Variants in GPR176 observed in about 807,000 individuals in gnomAD.
GPR176 encodes G-protein coupled receptor 176.
GPR176 carries 26 observed loss-of-function variants against 35.4 expected under a neutral mutation model. That is an observed-to-expected ratio of 0.74 (90% CI 0.54 to 1.02). The LOEUF (loss-of-function observed/expected upper bound fraction) is 1.02. Ranked by LOEUF, GPR176 falls within the 50% of genes least tolerant of loss-of-function variation. The pLI is 0.00. For missense variants in GPR176, 597 were observed against 665.3 expected (o/e 0.90, Z 1.13); for synonymous variants, 278 against 271.3 (o/e 1.02, Z -0.24).
chr15:39,866,871 G>T (rs1001373395), intron 1 of GPR176, among the ~76,000 whole-genome samples: 14 of 152,104 alleles, frequency 9.2e-5, no homozygotes, highest in African/African-American at 3.4e-4. Context: ...AAGTCAGATT[G>T]GAAAGCATAC....
chr15:39,853,463 G>T (rs1033126871), intron 1 of GPR176, among the ~76,000 whole-genome samples: 5 of 152,144 alleles, frequency 3.3e-5, no homozygotes, highest in African/African-American at 1.2e-4. Context: ...TTCGCAAGAC[G>T]AAAAGTTCTG....
At chr15:39,842,289 G>C (rs1276475805) in intron 1 of GPR176, among the ~76,000 whole-genome samples, 3 of 152,022 alleles carry the variant, frequency 2.0e-5, no homozygotes, top group African/African-American at 4.8e-5. Context: ...AAGAGGAAGA[G>C]AGAGTGAAGT....
At chr15:39,900,155 T>C (rs1245768598) in intron 1 of GPR176, among the ~76,000 whole-genome samples, 1 of 150,646 alleles carries the variant, frequency 6.6e-6, no homozygotes, top group Non-Finnish European at 1.5e-5. Flanking sequence ...AATGATAAAA[T>C]CTAGGTAAAT....
intron 1 of GPR176, among the ~76,000 whole-genome samples, chr15:39,876,264 G>A (rs891349539): frequency 6.6e-6 from 1 of 152,046 alleles, no homozygotes; most frequent in East Asian, 1.9e-4. Context: ...TTCTTTCATG[G>A]TCCTACTAAC....
At chr15:39,907,234 C>T (rs1214400752) in intron 1 of GPR176, among the ~76,000 whole-genome samples, 1 of 152,230 alleles carries the variant, frequency 6.6e-6, no homozygotes, top group Non-Finnish European at 1.5e-5. Flanking sequence ...TTCAGGATCT[C>T]TCTGCTTTGC....
intron 2 of GPR176, among the ~76,000 whole-genome samples, chr15:39,803,344 A>G (rs1264601220): frequency 7.7e-6 from 1 of 130,046 alleles, no homozygotes; most frequent in African/African-American, 3.0e-5. Flanking sequence ...TAGTGGCATG[A>G]TCTAGGCTCA....
intron 1 of GPR176, among the ~76,000 whole-genome samples, chr15:39,898,144 T>C (rs1170894444): frequency 1.3e-5 from 2 of 152,362 alleles, no homozygotes; most frequent in East Asian, 3.9e-4. Flanking sequence ...GAAACCATAA[T>C]GTCAGTGAAT....
intron 1 of GPR176, among the ~76,000 whole-genome samples, chr15:39,823,595 G>C (rs1900421968): frequency 1.3e-5 from 2 of 152,106 alleles, no homozygotes; most frequent in South Asian, 4.1e-4. Context: ...TCCCCACACT[G>C]CTCCTCCAGC....
intron 1 of GPR176, among the ~76,000 whole-genome samples, chr15:39,859,993 C>CA (rs10712342): frequency 5.7e-4 from 83 of 146,720 alleles, no homozygotes; most frequent in East Asian, 1.0e-3. Flanking sequence ...AGGCTTAAAT[C>CA]AAAAAAAAAA....
chr15:39,859,492 A>G (rs964512587), intron 1 of GPR176, among the ~76,000 whole-genome samples: 3 of 7,406 alleles, frequency 4.1e-4, no homozygotes, highest in South Asian at 7.6e-3. Context: ...GGCCACTGTG[A>G]AAAAAAAAAA....
chr15:39,871,210 C>T (rs1418653103), intron 1 of GPR176, among the ~76,000 whole-genome samples: 4 of 152,114 alleles, frequency 2.6e-5, no homozygotes, highest in Non-Finnish European at 5.9e-5. Context: ...TTTTAGAGTA[C>T]GTGTGCATTT....
intron 1 of GPR176, among the ~76,000 whole-genome samples, chr15:39,873,230 T>A (rs1322495167): frequency 1.3e-5 from 2 of 152,154 alleles, no homozygotes; most frequent in Non-Finnish European, 1.5e-5. Flanking sequence ...CTTAGAGAAG[T>A]TAAGCAGCTC....
rs553224325 is a variant in GPR176, at chr15:39,894,610, T to C, written c.172+25245A>G. On this transcript the variant is annotated intron_variant, in intron 1 of 2. Coordinates refer to ENST00000561100, the MANE Select transcript of GPR176 (RefSeq NM_007223.3). ...CGGCAGGGCAGAGGCGCTCCCCACA[T>C]CTCAGACGATGGGCGGCCGGGCAGA... The C allele has an allele frequency of 9.1e-3, 1,564 of 171,310 alleles. 15 individuals are homozygous for C. The highest frequency in any genetic ancestry group is 0.034 in the Middle Eastern group (13 of 382). The allele number at this position is 171,310 out of a possible 1,614,324, so 10.6% of individuals were successfully genotyped here. A position where few individuals can be genotyped will look rare whatever the true frequency, so the allele number is the denominator to read the frequency against.
In GPR176 at chr15:39,891,465, C is replaced by T. The variant is rs145327545; in HGVS notation, c.172+28390G>A. ...CAATCCTAAGCTCAAGCGATCCTCT[C>T]ATTTCAGCCTTCCAAGTAGCTGAGA... On this transcript the variant is annotated intron_variant, in intron 1 of 2. Transcript: ENST00000561100. 1.8e-3 allele frequency among the ~76,000 whole-genome samples: 274 copies of T among 152,238 alleles called. 2 individuals are homozygous for T. Among genetic ancestry groups the T allele is most frequent in the South Asian group, 5.8e-3 (28 of 4,820 alleles).
At position 39,822,384 on chromosome 15, in the gene GPR176, G is replaced by A. The variant is rs77658499; in HGVS notation, c.173-15126C>T. On this transcript the variant is annotated intron_variant, in intron 1 of 2. Coordinates refer to ENST00000561100, the MANE Select transcript of GPR176 (RefSeq NM_007223.3). ...ATAAAATTTACCTTTTAGAGCTGTC[G>A]TATTAAATGAGATATATAAAAAGTG... 3.6e-3 allele frequency among the ~76,000 whole-genome samples: 552 copies of A among 152,230 alleles called. 3 individuals are homozygous for A. The highest frequency in any genetic ancestry group is 0.013 in the African/African-American group (525 of 41,512).
At chr15:39,814,319 G>A (rs1899757900) in intron 1 of GPR176, among the ~76,000 whole-genome samples, 1 of 152,026 alleles carries the variant, frequency 6.6e-6, no homozygotes, top group Admixed American at 6.5e-5. Flanking sequence ...CTGAAAACTG[G>A]GTGATATTTC....
chr15:39,902,839 G>A (rs183569420), intron 1 of GPR176, among the ~76,000 whole-genome samples: 213 of 152,296 alleles, frequency 1.4e-3, no homozygotes, highest in Non-Finnish European at 2.9e-3. Flanking sequence ...GGGAACCAGG[G>A]AGTAAATATC....
At chr15:39,885,568 T>C (rs4924399) in intron 1 of GPR176, among the ~76,000 whole-genome samples, 34,991 of 152,156 alleles carry the variant, frequency 0.23, 4,605 homozygotes, top group Non-Finnish European at 0.31. Context: ...GGCAGTCCCC[T>C]GGTCTAGATT....
chr15:39,850,100 G>T (rs1415697529), intron 1 of GPR176, among the ~76,000 whole-genome samples: 1 of 152,158 alleles, frequency 6.6e-6, no homozygotes, highest in Non-Finnish European at 1.5e-5. Flanking sequence ...GAGTCTGCAG[G>T]ACTAGAAGTT....
Sources: allele counts gnomAD v4.1 joint callset (sites outside exome capture counted in the v4.1 genomes callset), GRCh38; gene constraint gnomAD v4.1.1; transcripts MANE v1.5; gene names NCBI Gene and HGNC (gene_info 2026-07-23, HGNC 2026-07-21).